The following BTBD8 variants were observed in gnomAD, a reference collection of about 807,000 sequenced individuals.
The protein encoded by BTBD8 is BTB/POZ domain-containing protein 8.
A neutral mutation model predicts 162.9 loss-of-function variants in BTBD8; 110 were observed. The ratio of observed to expected loss-of-function variants is 0.68; its 90% CI spans 0.58 to 0.79. The LOEUF (loss-of-function observed/expected upper bound fraction) is 0.79. Ranked by LOEUF, BTBD8 falls within the 30% of genes least tolerant of loss-of-function variation. The pLI is 0.00. For missense variants in BTBD8, 1,905 were observed against 2,085.4 expected (o/e 0.91, Z 1.68); for synonymous variants, 667 against 716.1 (o/e 0.93, Z 1.10).
At position 92,182,142 on chromosome 1, in the gene BTBD8, A is replaced by T; in HGVS notation, c.4459A>T (p.Arg1487Ter). ...ACATCATGGAAGGACCTGCTATTCCAGATTCTCACGAGAAAGTGAAGATAA... is the reference window on the plus strand; with the variant it reads ...ACATCATGGAAGGACCTGCTATTCCTGATTCTCACGAGAAAGTGAAGATAA... ...HEHHGRTCYS[R>*]FSRESEDNIL... The change falls in exon 17 of 18, where the codon AGA (arginine) becomes TGA (stop). Residue 1487 changes from arginine to a stop codon, truncating the protein, a stop_gained. Coordinates refer to ENST00000636805, the MANE Select transcript of BTBD8 (RefSeq NM_001376131.1). LOFTEE classifies it high-confidence loss of function. 6.4e-7 allele frequency: 1 copy of T among 1,551,256 alleles called. No homozygotes were observed. Among genetic ancestry groups the T allele is most frequent in the Non-Finnish European group, 8.7e-7 (1 of 1,146,706 alleles).
At position 92,171,427 on chromosome 1, in the gene BTBD8, A is replaced by C. The variant is rs1212444520; in HGVS notation, c.1602A>C (p.Arg534Ser). 6.5e-7 allele frequency: 1 copy of C among 1,538,660 alleles called. No individual in the cohort carries two copies. Among genetic ancestry groups the C allele is most frequent in the Admixed American group, 2.0e-5 (1 of 49,982 alleles). Residue 534 changes from arginine to serine, a missense_variant, in exon 13 of 18, where the codon AGA becomes AGC. Physicochemically the swap from Arg to Ser is moderately radical, Grantham distance 110. Around this residue, in one of 3 missense-constraint regions of BTBD8, gnomAD observed 1,374 missense variants for 1,442.7 expected, o/e 0.95. Transcript: ENST00000636805. ...AAAFDKGDDRRLGKKPIFSSS... is the reference protein window; with the variant it reads ...AAAFDKGDDRSLGKKPIFSSS... ...CATTTGACAAAGGTGATGATCGAAG[A>C]CTTGGCAAAAAGCCTATATTCAGTA...
intron 4 of BTBD8, among the ~76,000 whole-genome samples, chr1:92,116,449 A>G (rs1649044797): frequency 6.6e-6 from 1 of 152,070 alleles, no homozygotes; most frequent in Admixed American, 6.5e-5. Context: ...AAGTATCATT[A>G]TAAATTTATT....
Position 92,177,227 on chromosome 1 carries a change from A to G in BTBD8, c.2034A>G (p.Gly678=). ...CTGGACAGAAGAATTTACTAAATGG[A>G]AAAGGAGTGAGAAATCAGGAAGGGC... ...AATGQKNLLN[G]KGVRNQEGQI... Residue 678 remains glycine, a synonymous_variant, in exon 14 of 18, where the codon GGA becomes GGG. Coordinates refer to ENST00000636805, the MANE Select transcript of BTBD8 (RefSeq NM_001376131.1). 2 of 1,552,074 alleles carry G rather than the reference A, an allele frequency of 1.3e-6. No individual in the cohort carries two copies. The highest frequency in any genetic ancestry group is 2.0e-5 in the Admixed American group (1 of 51,008).
Position 92,180,251 on chromosome 1 carries a change from C to T in BTBD8, c.2582-14C>T, listed in dbSNP as rs1382253950. 2.0e-6 allele frequency: 3 copies of T among 1,514,674 alleles called. No homozygotes were observed. Among genetic ancestry groups the T allele is most frequent in the Non-Finnish European group, 2.7e-6 (3 of 1,131,838 alleles). The allele number at this position is 1,514,674 out of a possible 1,614,324, so 93.8% of individuals were successfully genotyped here. Reference sequence around the variant, plus strand: ...GATATTACATTACTGAATATACCCTCTTACTTTTCTTAGGATCCCAAGGAG... The same window carrying T: ...GATATTACATTACTGAATATACCCTTTTACTTTTCTTAGGATCCCAAGGAG... On this transcript the variant is annotated splice_polypyrimidine_tract_variant and intron_variant, in intron 16 of 17. Coordinates refer to ENST00000636805, the MANE Select transcript of BTBD8 (RefSeq NM_001376131.1).
In BTBD8 at chr1:92,171,457, G is replaced by T. The variant is rs1468975694; in HGVS notation, c.1632G>T (p.Ser544=). ...GCAAAAAGCCTATATTCAGTAGCTC[G>T]CAGGTAAACTTTCTAAATTTTATAG... ...RLGKKPIFSS[S]QQRKQVSDSG... is the part of the protein sequence containing the mutation. The change falls in exon 13 of 18, where the codon TCG becomes TCT. Residue 544 remains serine, a synonymous_variant. Transcript: ENST00000636805. The T allele has an allele frequency of 1.2e-5, 18 of 1,508,384 alleles. No homozygotes were observed. The highest frequency in any genetic ancestry group is 1.5e-5 in the Non-Finnish European group (17 of 1,122,974). 93.4% of individuals were successfully genotyped at this position (1,508,384 alleles called of 1,614,324 possible).
rs1648697649 is a variant in BTBD8 at position 92,105,257 on chromosome 1, T to A, written c.544+2588T>A. Among the ~76,000 whole-genome samples, 4 of 147,646 alleles carry A rather than the reference T, an allele frequency of 2.7e-5. 1 individual carries two copies. The South Asian group carries it at 8.6e-4, about 32-fold the overall frequency. On this transcript the variant is annotated intron_variant, in intron 3 of 17. Coordinates refer to ENST00000636805, the MANE Select transcript of BTBD8 (RefSeq NM_001376131.1). ...CCTTATTTTTTTATTTTTTAAATTT[T>A]TATTGTTTTTAATGAGATGGGGTCT...
chr1:92,096,073 G>A (rs777748774), intron 2 of BTBD8, among the ~76,000 whole-genome samples: 8 of 151,698 alleles, frequency 5.3e-5, no homozygotes, highest in Non-Finnish European at 1.0e-4. Flanking sequence ...CAAGGCTTAC[G>A]CAATTCTTGT....
Position 92,167,918 on chromosome 1 carries a change from C to T in BTBD8, c.1376C>T (p.Thr459Ile). 2 of 1,550,758 alleles carry T rather than the reference C, an allele frequency of 1.3e-6. No individual in the cohort carries two copies. Among genetic ancestry groups the T allele is most frequent in the Non-Finnish European group, 1.7e-6 (2 of 1,146,264 alleles). ...ILKAIEENIT[T>I]ENSCSLLMAL... The stretch of plus-strand genomic sequence containing the variant: ...AAAGCAATTGAAGAAAATATCACCA[C>T]TGAAAATAGCTGCTCTCTTCTTATG... The change falls in exon 11 of 18, where the codon ACT (threonine) becomes ATT (isoleucine). Residue 459 changes from threonine (T) to isoleucine (I), a missense_variant. Around this residue, in one of 3 missense-constraint regions of BTBD8, gnomAD observed 1,374 missense variants for 1,442.7 expected, o/e 0.95. Coordinates refer to ENST00000636805, the MANE Select transcript of BTBD8 (RefSeq NM_001376131.1).
intron 9 of BTBD8, among the ~76,000 whole-genome samples, chr1:92,150,329 A>G (rs1650017164): frequency 6.6e-6 from 1 of 152,198 alleles, no homozygotes; most frequent in Non-Finnish European, 1.5e-5. Flanking sequence ...ATTAATAAAA[A>G]CAAGATAAGT....
rs769673789 is a variant in BTBD8, at chr1:92,176,963, G to A, written c.1770G>A (p.Ser590=). The A allele has an allele frequency of 2.1e-5, 33 of 1,547,198 alleles. No homozygotes were observed. Among genetic ancestry groups the A allele is most frequent in the East Asian group, 7.3e-5 (3 of 40,880 alleles). ...ATGGATTAGGAGCATCTGGACATTC[G>A]TCAAGTACCAATAGAAATAGTATAA... ...KSDGLGASGH[S]SSTNRNSINK... Residue 590 remains serine (S), a synonymous_variant, in exon 14 of 18, where the codon TCG becomes TCA. Coordinates refer to ENST00000636805, the MANE Select transcript of BTBD8 (RefSeq NM_001376131.1).
rs557038345 is a variant in BTBD8 at position 92,184,284 on chromosome 1, C to T, written c.5333C>T (p.Ser1778Leu). 5.6e-5 allele frequency: 87 copies of T among 1,551,214 alleles called. No individual in the cohort carries two copies. Among genetic ancestry groups the T allele is most frequent in the African/African-American group, 8.2e-5 (6 of 73,052 alleles). Residue 1778 changes from serine to leucine, a missense_variant, in exon 18 of 18, where the codon TCG becomes TTG. By Grantham distance (145) the Ser-to-Leu change is moderately radical (BLOSUM62 -2). Around this residue, in one of 3 missense-constraint regions of BTBD8, gnomAD observed 517 missense variants for 606.6 expected, o/e 0.85. Transcript: ENST00000636805. The stretch of plus-strand genomic sequence containing the variant: ...GCTAGTTTTTCCTCTGAAGATTGTT[C>T]GCCTCAAGGCGAGTGGACAATTCTG... ...TMASFSSEDC[S>L]PQGEWTILEL...
intron 4 of BTBD8, among the ~76,000 whole-genome samples, chr1:92,112,793 GA>G (rs1370499604): frequency 6.6e-6 from 1 of 152,120 alleles, no homozygotes; most frequent in East Asian, 1.9e-4. Flanking sequence ...GGACAATAGT[GA>G]TTACTCCAAA....
intron 4 of BTBD8, among the ~76,000 whole-genome samples, chr1:92,118,918 G>GTA (rs35614908): frequency 6.8e-6 from 1 of 146,850 alleles, no homozygotes; most frequent in African/African-American, 2.5e-5. Context: ...GTGTGTGTGT[G>GTA]TTGAGCATTT....
intron 1 of BTBD8, 88 bp downstream of exon 1, chr1:92,080,808 C>G: frequency 1.3e-6 from 2 of 1,522,882 alleles, no homozygotes; most frequent in Non-Finnish European, 1.8e-6. Context: ...CTCTGCCTCC[C>G]CCTCCCTCAG....
At chr1:92,136,451 C>G (rs1649637552) in intron 5 of BTBD8, among the ~76,000 whole-genome samples, 1 of 151,558 alleles carries the variant, frequency 6.6e-6, no homozygotes, top group South Asian at 2.1e-4. Context: ...CTATGCTTAA[C>G]AAACTGTAGG....
At position 92,134,897 on chromosome 1, in the gene BTBD8, T is replaced by TA. The variant is rs1222375119; in HGVS notation, c.753-4453_753-4452insA. 1.2e-4 allele frequency among the ~76,000 whole-genome samples: 17 copies of TA among 143,970 alleles called. No homozygotes were observed. In the East Asian group the frequency reaches 1.4e-3, roughly 12 times the overall value. 94.4% of individuals were successfully genotyped at this position (143,970 alleles called of 152,430 possible). ...TTATTTAATTAATTAATTAATTAAT[T>TA]TTTTTTTTTTTTAGACAGAATTTTA... On this transcript the variant is annotated intron_variant, in intron 5 of 17. Transcript: ENST00000636805.
At chr1:92,129,580 AAT>A in intron 4 of BTBD8, 105 bp from the exon 5 acceptor site, 1 of 852,956 alleles carries the variant, frequency 1.2e-6, no homozygotes, top group East Asian at 2.7e-5. Context: ...AAACAAAACA[AAT>A]AGATTATTGT....
In BTBD8 at chr1:92,177,183, A is replaced by ACAGCAG. The variant is rs759710231; in HGVS notation, c.2002_2007dup (p.Ala668_Ala669dup). 1.3e-6 allele frequency: 2 copies of ACAGCAG among 1,551,660 alleles called. No individual in the cohort carries two copies. The highest frequency in any genetic ancestry group is 1.4e-5 in the African/African-American group (1 of 73,054). ...TAGACAAGTTGTAGAAAGATCAGCA[A>ACAGCAG]CAGCAGCAGCAGCAGCAACTGGACA... On this transcript the variant is annotated inframe_insertion, in exon 14 of 18. Transcript: ENST00000636805.
At chr1:92,133,000 A>T (rs1557451248) in intron 5 of BTBD8, among the ~76,000 whole-genome samples, 1 of 152,056 alleles carries the variant, frequency 6.6e-6, no homozygotes, top group Non-Finnish European at 1.5e-5. Context: ...TATCAAATTG[A>T]TTGTCTCAAA....
Sources: allele counts gnomAD v4.1 joint callset (sites outside exome capture counted in the v4.1 genomes callset), GRCh38; gene constraint gnomAD v4.1.1; regional missense constraint gnomAD v4.1.1; transcripts MANE v1.5; gene names NCBI Gene and HGNC (gene_info 2026-07-23, HGNC 2026-07-21).